TENM2: variants seen among roughly 807,000 people sequenced by gnomAD.
TENM2 encodes the protein teneurin transmembrane protein 2, also known as teneurin-2.
TENM2 carries 52 observed loss-of-function variants against 245.2 expected under a neutral mutation model. That is an observed-to-expected ratio of 0.21 (90% CI 0.17 to 0.27). The LOEUF (loss-of-function observed/expected upper bound fraction) is 0.27. Ranked by LOEUF, TENM2 falls within the 10% of genes least tolerant of loss-of-function variation. TENM2 has a pLI of 1.00. For missense variants in TENM2, 3,046 were observed against 3,666.8 expected, an observed-to-expected ratio of 0.83 and a Z score of 4.37; for synonymous variants, 1,363 against 1,438.9, an observed-to-expected ratio of 0.95 and a Z score of 1.19.
rs537717176 is a variant in TENM2 at position 167,768,672 on chromosome 5, C to A, written c.503-107314C>A. 3.3e-5 allele frequency among the ~76,000 whole-genome samples: 5 copies of A among 152,242 alleles called. No homozygotes were observed. In the South Asian group the frequency reaches 1.0e-3, roughly 32 times the overall value. ...ACCAACAAAGCCACTGACTGTGTGA[C>A]CTGGGATTATTTACTTAAGTTCCCT... On this transcript the variant is annotated intron_variant, in intron 2 of 28. Transcript: ENST00000518659.
the TENM2 span, among the ~76,000 whole-genome samples, chr5:167,158,276 A>G: frequency 6.6e-6 from 1 of 152,220 alleles, no homozygotes. Context: ...CTGCTACCAG[A>G]TCAAGAAACA....
intron 5 of TENM2, among the ~76,000 whole-genome samples, chr5:168,000,970 C>T (rs200663178): frequency 7.3e-5 from 4 of 54,574 alleles, no homozygotes; most frequent in African/African-American, 3.1e-4. Flanking sequence ...CATTGGACTG[C>T]ATGCCAGGTC....
intron 2 of TENM2, among the ~76,000 whole-genome samples, chr5:167,814,768 A>G (rs1766915929): frequency 6.6e-6 from 1 of 152,128 alleles, no homozygotes; most frequent in South Asian, 2.1e-4. Context: ...ATTATTAACT[A>G]AGATGAAACG....
At chr5:167,336,710 C>T (rs1335396811) in intron 1 of TENM2, among the ~76,000 whole-genome samples, 5 of 151,668 alleles carry the variant, frequency 3.3e-5, no homozygotes, top group Non-Finnish European at 4.4e-5. Flanking sequence ...CAAAATGCTC[C>T]AAAATCCCAA....
At chr5:167,756,090 C>T (rs1442149995) in intron 2 of TENM2, among the ~76,000 whole-genome samples, 1 of 152,120 alleles carries the variant, frequency 6.6e-6, no homozygotes, top group Non-Finnish European at 1.5e-5. Flanking sequence ...CATCCAGGGC[C>T]ACACCGTTAG....
chr5:168,083,206 G>A (rs902509406), intron 7 of TENM2, among the ~76,000 whole-genome samples: 2 of 152,168 alleles, frequency 1.3e-5, no homozygotes, highest in African/African-American at 4.8e-5. Context: ...TCAGACTGCT[G>A]TGCCAGCAAT....
intron 1 of TENM2, among the ~76,000 whole-genome samples, chr5:167,310,154 A>T (rs781565253): frequency 6.6e-6 from 1 of 152,252 alleles, no homozygotes; most frequent in Admixed American, 6.5e-5. Context: ...AGCACTGAGC[A>T]GTTTGAGAGG....
At chr5:167,815,869 A>C (rs556711315) in intron 2 of TENM2, among the ~76,000 whole-genome samples, 1 of 152,236 alleles carries the variant, frequency 6.6e-6, no homozygotes, top group East Asian at 1.9e-4. Context: ...GTGAGCCCCT[A>C]CATGACACTG....
chr5:167,508,147 C>A (rs1030253902), intron 2 of TENM2, among the ~76,000 whole-genome samples: 1 of 152,122 alleles, frequency 6.6e-6, no homozygotes, highest in African/African-American at 2.4e-5. Context: ...GAATAATTTT[C>A]ACTTGAAACT....
At chr5:168,028,402 A>G (rs1278302104) in intron 5 of TENM2, among the ~76,000 whole-genome samples, 1 of 152,146 alleles carries the variant, frequency 6.6e-6, no homozygotes, top group Non-Finnish European at 1.5e-5. Context: ...GCAGAGACCC[A>G]TCCCAGCGTG....
At chr5:167,237,958 C>A in the TENM2 span, among the ~76,000 whole-genome samples, 1 of 133,562 alleles carries the variant, frequency 7.5e-6, no homozygotes, top group East Asian at 2.2e-4. Flanking sequence ...TGCAGTGAGC[C>A]AAGATCATGC....
intron 4 of TENM2, among the ~76,000 whole-genome samples, chr5:167,974,079 AAG>A (rs1782082742): frequency 2.4e-4 from 2 of 8,262 alleles, no homozygotes; most frequent in Non-Finnish European, 3.8e-4. Flanking sequence ...GGGAGGAAGG[AAG>A]GAAGGAAGGG....
At chr5:168,166,228 C>A (rs542893853) in intron 13 of TENM2, among the ~76,000 whole-genome samples, 1 of 152,048 alleles carries the variant, frequency 6.6e-6, no homozygotes, top group East Asian at 1.9e-4. Flanking sequence ...GAATGCAGAC[C>A]CGGGGAGCAG....
the TENM2 span, among the ~76,000 whole-genome samples, chr5:167,076,085 A>G: frequency 6.6e-6 from 1 of 152,202 alleles, no homozygotes; most frequent in Admixed American, 6.5e-5. Context: ...ATCCTAAGGT[A>G]TACAGCTTTT....
intron 7 of TENM2, among the ~76,000 whole-genome samples, chr5:168,073,686 A>G (rs1791220483): frequency 6.6e-6 from 1 of 152,212 alleles, no homozygotes; most frequent in Admixed American, 6.5e-5. Flanking sequence ...TTACCCTTCT[A>G]ACTGGGAATG....
intron 2 of TENM2, among the ~76,000 whole-genome samples, chr5:167,398,155 A>C (rs928745932): frequency 1.9e-4 from 29 of 152,282 alleles, no homozygotes; most frequent in African/African-American, 6.5e-4. Flanking sequence ...CAATATCATA[A>C]TTTTTGATAT....
At chr5:167,742,714 G>C (rs1437704394) in intron 2 of TENM2, among the ~76,000 whole-genome samples, 2 of 151,878 alleles carry the variant, frequency 1.3e-5, no homozygotes, top group African/African-American at 2.4e-5. Flanking sequence ...GCTTTGGTAG[G>C]CTGAAGCAGA....
intron 5 of TENM2, among the ~76,000 whole-genome samples, chr5:168,011,015 C>G (rs1785179480): frequency 6.6e-6 from 1 of 152,198 alleles, no homozygotes; most frequent in South Asian, 2.1e-4. Context: ...AACATTTTGC[C>G]CATTAAGCTG....
chr5:167,960,967 C>T (rs1780966952), intron 4 of TENM2, among the ~76,000 whole-genome samples: 1 of 152,210 alleles, frequency 6.6e-6, no homozygotes, highest in Non-Finnish European at 1.5e-5. Context: ...TCCCTGACCC[C>T]TTGTGCTTCC....
Sources: allele counts gnomAD v4.1 joint callset (sites outside exome capture counted in the v4.1 genomes callset), GRCh38; gene constraint gnomAD v4.1.1; transcripts MANE v1.5; gene names NCBI Gene and HGNC (gene_info 2026-07-23, HGNC 2026-07-21).